Variants in DPP6 observed in about 807,000 individuals in gnomAD.
DPP6 encodes dipeptidyl peptidase like 6, also known as A-type potassium channel modulatory protein DPP6.
Under a neutral mutation model 122.6 loss-of-function variants are expected in DPP6, and 69 were observed. That is an observed-to-expected ratio of 0.56 (90% CI 0.46 to 0.69). The LOEUF is 0.69. Among genes scored for constraint, DPP6 ranks in the 30% least tolerant of loss-of-function variants. The pLI is 0.00. For missense variants in DPP6, 928 were observed against 1,116.9 expected (o/e 0.83, Z 2.41); for synonymous variants, 418 against 433.1 (o/e 0.97, Z 0.43).
intron 2 of DPP6, among the ~76,000 whole-genome samples, chr7:154,463,225 T>TTTGTG (rs1821461698): frequency 7.7e-6 from 1 of 130,400 alleles, no homozygotes; most frequent in Admixed American, 8.1e-5. Flanking sequence ...TTTTTTTTTT[T>TTTGTG]GAGACGGAGT....
At chr7:154,269,000 A>G (rs1803616261) in intron 1 of DPP6, among the ~76,000 whole-genome samples, 1 of 85,562 alleles carries the variant, frequency 1.2e-5, no homozygotes, top group Non-Finnish European at 2.6e-5. Flanking sequence ...AATGGACTCA[A>G]CCACTTCTAT....
intron 1 of DPP6, among the ~76,000 whole-genome samples, chr7:154,267,184 AT>A (rs1227913497): frequency 2.6e-5 from 4 of 151,822 alleles, no homozygotes; most frequent in African/African-American, 7.3e-5. Flanking sequence ...TGCTCACCAA[AT>A]TTTTTTGAAA....
At position 154,794,179 on chromosome 7, in the gene DPP6, G is replaced by A; in HGVS notation, c.1237G>A (p.Ala413Thr). 1.2e-6 allele frequency: 2 copies of A among 1,610,938 alleles called. No homozygotes were observed. The highest frequency in any genetic ancestry group is 1.7e-6 in the Non-Finnish European group (2 of 1,178,476). ...CGTGTCCATCCTCACCCTCTGCGACGCCACCACGGGGGTCTGCACGAAGGT... is the reference window on the plus strand; with the variant it reads ...CGTGTCCATCCTCACCCTCTGCGACACCACCACGGGGGTCTGCACGAAGGT... ...QNVSILTLCD[A>T]TTGVCTKKHE... The change falls in exon 11 of 26, where the codon GCC becomes ACC. Residue 413 changes from alanine to threonine, a missense_variant. Physicochemically the swap from Ala to Thr is moderately conservative, Grantham distance 58. Coordinates refer to ENST00000377770, the MANE Select transcript of DPP6 (RefSeq NM_130797.4).
At chr7:154,333,807 T>G (rs1307971859) in intron 1 of DPP6, among the ~76,000 whole-genome samples, 1 of 152,220 alleles carries the variant, frequency 6.6e-6, no homozygotes, top group Non-Finnish European at 1.5e-5. Context: ...TAATTTTAAT[T>G]ATTGGGGTCA....
chr7:154,623,989 T>C (rs781087105), intron 5 of DPP6, among the ~76,000 whole-genome samples: 5 of 152,178 alleles, frequency 3.3e-5, no homozygotes, highest in Non-Finnish European at 7.3e-5. Flanking sequence ...AGGTGAGGAA[T>C]TCGAGACCAG....
intron 5 of DPP6, among the ~76,000 whole-genome samples, chr7:154,625,716 G>A (rs961918082): frequency 6.6e-6 from 1 of 152,196 alleles, no homozygotes; most frequent in African/African-American, 2.4e-5. Context: ...TGCGGGCAGG[G>A]TGTGTGCAAG....
the DPP6 span, among the ~76,000 whole-genome samples, chr7:153,811,366 G>A: frequency 6.6e-6 from 1 of 152,134 alleles, no homozygotes; most frequent in Non-Finnish European, 1.5e-5. Flanking sequence ...CTGGGGCAGA[G>A]CATTTTTCCC....
intron 1 of DPP6, among the ~76,000 whole-genome samples, chr7:154,085,011 A>AAAAAAC (rs1473084161): frequency 6.6e-6 from 1 of 150,802 alleles, no homozygotes; most frequent in Non-Finnish European, 1.5e-5. Flanking sequence ...AAAAAAAAAA[A>AAAAAAC]CAGGTGCCTT....
In DPP6 at chr7:154,554,187, G is replaced by T. The variant is rs117931996; in HGVS notation, c.553-12655G>T. Among the ~76,000 whole-genome samples, 416 of 151,968 alleles carry T rather than the reference G, an allele frequency of 2.7e-3. 13 individuals carry two copies. In the East Asian group the frequency reaches 0.068, roughly 25 times the overall value. Reference sequence around the variant, plus strand: ...TGTGGCCACTATCATTAACATTATCGCCAGGCCCAAGGGTTCTGTCTTTCT... The same window carrying T: ...TGTGGCCACTATCATTAACATTATCTCCAGGCCCAAGGGTTCTGTCTTTCT... On this transcript the variant is annotated intron_variant, in intron 4 of 25. Transcript: ENST00000377770.
At chr7:153,818,164 T>A in the DPP6 span, among the ~76,000 whole-genome samples, 2 of 151,314 alleles carry the variant, frequency 1.3e-5, no homozygotes, top group Non-Finnish European at 2.9e-5. Context: ...TATATATATA[T>A]TCTCAAACTT....
At chr7:154,011,998 TCA>T (rs1798175362) in intron 1 of DPP6, among the ~76,000 whole-genome samples, 2 of 152,166 alleles carry the variant, frequency 1.3e-5, no homozygotes, top group Admixed American at 6.5e-5. Context: ...AAAACACCTA[TCA>T]CTAAGCACTT....
chr7:153,787,642 G>T, the DPP6 span, among the ~76,000 whole-genome samples: 9 of 148,516 alleles, frequency 6.1e-5, no homozygotes, highest in Admixed American at 2.7e-4. Context: ...GTGGTGGTAC[G>T]CCCCTCTAGT....
At chr7:154,891,955 C>G (rs939762948) in intron 25 of DPP6, among the ~76,000 whole-genome samples, 1 of 152,178 alleles carries the variant, frequency 6.6e-6, no homozygotes, top group African/African-American at 2.4e-5. Context: ...GTTGCAAATT[C>G]AAGCAAGCAG....
At chr7:154,287,120 C>T (rs1019316674) in intron 1 of DPP6, among the ~76,000 whole-genome samples, 1 of 152,166 alleles carries the variant, frequency 6.6e-6, no homozygotes, top group Non-Finnish European at 1.5e-5. Context: ...GATTGCTTTA[C>T]TTCAGAAAAG....
chr7:153,844,771 T>A, the DPP6 span, among the ~76,000 whole-genome samples: 1 of 152,226 alleles, frequency 6.6e-6, no homozygotes, highest in South Asian at 2.1e-4. Context: ...AAATATAATG[T>A]TTTGAATTGG....
At chr7:154,160,299 A>C (rs1796913969) in intron 1 of DPP6, among the ~76,000 whole-genome samples, 1 of 152,154 alleles carries the variant, frequency 6.6e-6, no homozygotes, top group Admixed American at 6.5e-5. Flanking sequence ...ACAGTCCTCA[A>C]GGATAAACAC....
intron 1 of DPP6, among the ~76,000 whole-genome samples, chr7:153,960,631 CTGTG>C (rs58911631): frequency 0.74 from 110,761 of 150,494 alleles, 41,199 homozygotes; most frequent in East Asian, 1. Context: ...AGCAGCCTGT[CTGTG>C]TGTGCACGTG....
At chr7:154,386,743 A>G (rs1049482515) in intron 1 of DPP6, among the ~76,000 whole-genome samples, 1 of 152,212 alleles carries the variant, frequency 6.6e-6, no homozygotes, top group Non-Finnish European at 1.5e-5. Flanking sequence ...ACTTAGAGAA[A>G]GCTGAGGAGA....
intron 3 of DPP6, among the ~76,000 whole-genome samples, chr7:154,522,576 A>G (rs1827084430): frequency 6.6e-6 from 1 of 152,146 alleles, no homozygotes; most frequent in Non-Finnish European, 1.5e-5. Flanking sequence ...TTTAGAATGG[A>G]AAGAAATATT....
Sources: gnomAD v4.1 joint callset for allele counts (sites outside exome capture counted in the v4.1 genomes callset) on GRCh38, gnomAD v4.1.1 for gene constraint, MANE v1.5 for transcripts, NCBI Gene and HGNC (gene_info 2026-07-23, HGNC 2026-07-21) for gene names.